SNIP1: variants seen among roughly 807,000 people sequenced by gnomAD.
SNIP1 encodes the protein smad nuclear-interacting protein 1.
Under a neutral mutation model 37.4 loss-of-function variants are expected in SNIP1, and 23 were observed. The observed-to-expected ratio is 0.61, with a 90% CI of 0.44 to 0.87. The LOEUF is 0.87. Ranked by LOEUF, SNIP1 falls within the 40% of genes least tolerant of loss-of-function variation. The probability of loss-of-function intolerance (pLI) is 0.00; values close to 1 mark genes in which losing one functional copy is unlikely to be tolerated. For missense variants in SNIP1, 459 were observed against 540.4 expected, an observed-to-expected ratio of 0.85 and a Z score of 1.49; for synonymous variants, 174 against 200.0, an observed-to-expected ratio of 0.87 and a Z score of 1.10.
chr1:37,549,184 G>T (rs922917872), intron 2 of SNIP1, among the ~76,000 whole-genome samples: 1 of 151,140 alleles, frequency 6.6e-6, no homozygotes, highest in Non-Finnish European at 1.5e-5. Flanking sequence ...TTTCTATATA[G>T]TAACAATGAA....
chr1:37,552,990 C>T (rs1643318794), intron 1 of SNIP1, among the ~76,000 whole-genome samples: 1 of 152,150 alleles, frequency 6.6e-6, no homozygotes, highest in Non-Finnish European at 1.5e-5. Context: ...ATTCCCAACC[C>T]TTCAAAAACC....
chr1:37,545,633 C>G (rs1643226148), intron 2 of SNIP1, among the ~76,000 whole-genome samples: 1 of 151,540 alleles, frequency 6.6e-6, no homozygotes, highest in Admixed American at 6.6e-5. Context: ...TAGCATGGCC[C>G]CTAATTTAAA....
intron 3 of SNIP1, among the ~76,000 whole-genome samples, chr1:37,539,696 G>A (rs1295187792): frequency 2.0e-5 from 3 of 152,168 alleles, no homozygotes; most frequent in Non-Finnish European, 1.5e-5. Context: ...GGCACAGAAC[G>A]AGACTCCGTC....
rs1220840677 is a variant in SNIP1 at position 37,535,834 on chromosome 1, A to G, written c.*1914T>C. ...TACCTTTTTTTTTTTTTTCTGAGAC[A>G]GAGTCTCGCTGTCACCCAGGCTGGA... On this transcript the variant is annotated 3_prime_UTR_variant, in exon 4 of 4. Transcript: ENST00000296215. 6.6e-6 allele frequency: 1 copy of G among 151,182 alleles called. No homozygotes were observed. Among genetic ancestry groups the G allele is most frequent in the East Asian group, 1.9e-4 (1 of 5,184 alleles). The allele number at this position is 151,182 out of a possible 1,614,324, so 9.4% of individuals were successfully genotyped here. A position where few individuals can be genotyped will look rare whatever the true frequency, so the allele number is the denominator to read the frequency against.
chr1:37,540,076 A>G lies in SNIP1; in HGVS notation c.926+81T>C. On this transcript the variant is annotated intron_variant, in intron 3 of 3. Transcript: ENST00000296215. The surrounding 1 kb of genome is among the most constrained non-coding windows in gnomAD (Gnocchi z 5.6). ...TGAGGGGTATGGGATTCTTCTGCAT[A>G]AACATGAACAAAAATCTTAGTAATC... is the stretch of plus-strand genomic sequence containing the variant. 7.8e-7 allele frequency: 1 copy of G among 1,279,282 alleles called. No individual in the cohort carries two copies. Among genetic ancestry groups the G allele is most frequent in the Non-Finnish European group, 1.1e-6 (1 of 919,058 alleles). 79.2% of individuals were successfully genotyped at this position (1,279,282 alleles called of 1,614,324 possible).
Position 37,544,309 on chromosome 1 carries a change from G to T in SNIP1, c.328-3554C>A, listed in dbSNP as rs111676857. Among the ~76,000 whole-genome samples the T allele has an allele frequency of 5.7e-3, 859 of 151,442 alleles. 11 individuals carry two copies. The highest frequency in any genetic ancestry group is 0.02 in the African/African-American group (821 of 41,320). Reference sequence around the variant, plus strand: ...AAAATACAAAAAATTAGAAGGGCGCGGTGGCAGGCGCCTGTAATCCCAGCT... The same window carrying T: ...AAAATACAAAAAATTAGAAGGGCGCTGTGGCAGGCGCCTGTAATCCCAGCT... On this transcript the variant is annotated intron_variant, in intron 2 of 3. Transcript: ENST00000296215.
In SNIP1 at chr1:37,535,240, A is replaced by ATATATATATATATATATAT. The variant is rs59693030; in HGVS notation, c.*2507_*2508insATATATATATATATATATA. 1 of 24,888 alleles carries ATATATATATATATATATAT rather than the reference A, an allele frequency of 4.0e-5. No individual in the cohort carries two copies. Among genetic ancestry groups the ATATATATATATATATATAT allele is most frequent in the Admixed American group, 8.0e-4 (1 of 1,256 alleles). The allele number at this position is 24,888 out of a possible 1,614,324, so 1.5% of individuals were successfully genotyped here. On this transcript the variant is annotated 3_prime_UTR_variant, in exon 4 of 4. Transcript: ENST00000296215. Reference sequence around the variant, plus strand: ...AATAAAAAATAAAAATTATATATATAAATTAGCCAGGCTTGGTGACAGGTG... The same window carrying ATATATATATATATATATAT: ...AATAAAAAATAAAAATTATATATATATATATATATATATATATATAATTAGCCAGGCTTGGTGACAGGTG...
intron 2 of SNIP1, among the ~76,000 whole-genome samples, chr1:37,546,682 A>AT (rs1330994433): frequency 6.6e-6 from 1 of 152,170 alleles, no homozygotes; most frequent in East Asian, 1.9e-4. Flanking sequence ...TCAAAAAAAA[A>AT]GAGAAAGAAA....
At chr1:37,552,790 TC>T in intron 1 of SNIP1, 43 bp from the exon 2 acceptor site, 2 of 1,536,068 alleles carry the variant, frequency 1.3e-6, no homozygotes, top group Non-Finnish European at 1.8e-6. Context: ...CAATTTCCCT[TC>T]CCCCATAAAA....
intron 2 of SNIP1, among the ~76,000 whole-genome samples, chr1:37,543,511 T>C (rs951948891): frequency 6.6e-6 from 1 of 151,872 alleles, no homozygotes; most frequent in African/African-American, 2.4e-5. Flanking sequence ...AATGAGATAA[T>C]GACATAGAAA....
At chr1:37,547,179 A>G (rs1317740187) in intron 2 of SNIP1, among the ~76,000 whole-genome samples, 1 of 152,194 alleles carries the variant, frequency 6.6e-6, no homozygotes, top group Non-Finnish European at 1.5e-5. Context: ...TTAAGGTCAT[A>G]CTGAAGTAAT....
At chr1:37,552,855 G>T in intron 1 of SNIP1, 108 bp from the exon 2 acceptor site, 2 of 851,994 alleles carry the variant, frequency 2.3e-6, no homozygotes, top group Admixed American at 3.7e-5. Context: ...ATTTGTGAAG[G>T]TCTCTGCCGG....
Position 37,540,811 on chromosome 1 carries a change from C to G in SNIP1, c.328-56G>C. The G allele has an allele frequency of 1.4e-6, 2 of 1,468,890 alleles. No homozygotes were observed. The highest frequency in any genetic ancestry group is 1.8e-6 in the Non-Finnish European group (2 of 1,104,012). The allele number at this position is 1,468,890 out of a possible 1,614,324, so 91.0% of individuals were successfully genotyped here. On this transcript the variant is annotated intron_variant, in intron 2 of 3. Transcript: ENST00000296215. This position sits in a 1 kb window ranked among gnomAD's most constrained non-coding sequence, Gnocchi z 5.6. ...CGCAGTGCACAATCTAAAGGCAGCCCAAATCTTGTTCTTTTTGAACGAAGT... is the reference window on the plus strand; with the variant it reads ...CGCAGTGCACAATCTAAAGGCAGCCGAAATCTTGTTCTTTTTGAACGAAGT...
intron 3 of SNIP1, among the ~76,000 whole-genome samples, chr1:37,538,472 G>GCACTC (rs1223396162): frequency 7.5e-6 from 1 of 133,170 alleles, no homozygotes; most frequent in Admixed American, 9.1e-5. Context: ...TCACGCCACT[G>GCACTC]CACTCCAGCC....
rs1363089040 is a variant in SNIP1, at chr1:37,540,298, T to A, written c.785A>T (p.Tyr262Phe). ...AAGCACCTCATCATTTTTAAATGGGTAGAGACGCCACCGTTTTTTGGGGAT... is the reference window on the plus strand; with the variant it reads ...AAGCACCTCATCATTTTTAAATGGGAAGAGACGCCACCGTTTTTTGGGGAT... ...ARIPKKRWRL[Y>F]PFKNDEVLPV... The change falls in exon 3 of 4, where the codon TAC becomes TTC. Residue 262 changes from tyrosine to phenylalanine, a missense_variant. Tyr to Phe is a conservative substitution (Grantham distance 22, BLOSUM62 3). Coordinates refer to ENST00000296215, the MANE Select transcript of SNIP1 (RefSeq NM_024700.4). The surrounding 1 kb of genome is among the most constrained non-coding windows in gnomAD (Gnocchi z 5.6). The A allele has an allele frequency of 1.7e-5, 27 of 1,614,048 alleles. No homozygotes were observed.
At chr1:37,539,239 T>C (rs1343248189) in intron 3 of SNIP1, among the ~76,000 whole-genome samples, 1 of 152,176 alleles carries the variant, frequency 6.6e-6, no homozygotes, top group Non-Finnish European at 1.5e-5. Flanking sequence ...CCCGGTTCCA[T>C]GGAAAAACTG....
intron 3 of SNIP1, among the ~76,000 whole-genome samples, chr1:37,539,681 G>C (rs905368855): frequency 2.0e-5 from 3 of 152,240 alleles, no homozygotes; most frequent in Admixed American, 1.3e-4. Context: ...CTGCACTCCA[G>C]CCTGGGCACA....
At chr1:37,549,198 T>G (rs1643274802) in intron 2 of SNIP1, among the ~76,000 whole-genome samples, 2 of 152,056 alleles carry the variant, frequency 1.3e-5, no homozygotes, top group Non-Finnish European at 2.9e-5. Flanking sequence ...CAATGAACAT[T>G]TGGACACTCA....
In SNIP1 at chr1:37,540,110, G is replaced by A. The variant is rs781514676; in HGVS notation, c.926+47C>T. The A allele has an allele frequency of 4.1e-6, 6 of 1,479,134 alleles. No individual in the cohort carries two copies. The highest frequency in any genetic ancestry group is 2.1e-5 in the Admixed American group (1 of 46,818). 91.6% of individuals were successfully genotyped at this position (1,479,134 alleles called of 1,614,324 possible). A position where few individuals can be genotyped will look rare whatever the true frequency, so the allele number is the denominator to read the frequency against. On this transcript the variant is annotated intron_variant, in intron 3 of 3. Coordinates refer to ENST00000296215, the MANE Select transcript of SNIP1 (RefSeq NM_024700.4). The surrounding 1 kb of genome is among the most constrained non-coding windows in gnomAD (Gnocchi z 5.6). Reference sequence around the variant, plus strand: ...CAAAAATCTTAGTAATCCTAACTGAGTGATTGTTTCTGCTCACATTACAGT... The same window carrying A: ...CAAAAATCTTAGTAATCCTAACTGAATGATTGTTTCTGCTCACATTACAGT...
Sources: gnomAD v4.1 joint callset for allele counts (sites outside exome capture counted in the v4.1 genomes callset) on GRCh38, gnomAD v4.1.1 for gene constraint, Gnocchi (gnomAD v3.1) non-coding constraint, MANE v1.5 for transcripts, NCBI Gene and HGNC (gene_info 2026-07-23, HGNC 2026-07-21) for gene names.